SAMMSON: variants seen among roughly 807,000 people sequenced by gnomAD.
SAMMSON encodes long intergenic non-protein coding RNA 1212.
At chr3:70,110,046 A>G (rs932805725) in intron 4 of SAMMSON, among the ~76,000 whole-genome samples, 1 of 152,244 alleles carries the variant, frequency 6.6e-6, no homozygotes, top group Non-Finnish European at 1.5e-5. Context: ...TTGATACATT[A>G]GTGATCGTGA....
Position 70,099,486 on chromosome 3 carries a change from T to A in SAMMSON, n.507+27921T>A, listed in dbSNP as rs541136183. 2.1e-4 allele frequency among the ~76,000 whole-genome samples: 32 copies of A among 152,316 alleles called. 1 individual carries two copies. The South Asian group carries it at 6.6e-3, about 32-fold the overall frequency. On this transcript the variant is annotated intron_variant and non_coding_transcript_variant, in intron 4 of 9. Transcript: ENST00000642114. ...CTAAATATCTTCTAAAATGTTTCTA[T>A]GGTCATTTAGGGTTTGTGTTCTGGA... is the stretch of plus-strand genomic sequence containing the variant.
intron 4 of SAMMSON, among the ~76,000 whole-genome samples, chr3:70,088,263 G>C (rs2067292763): frequency 6.6e-6 from 1 of 152,180 alleles, no homozygotes; most frequent in Non-Finnish European, 1.5e-5. Context: ...GGTCTCTTGG[G>C]TTAGAATATA....
intron 9 of SAMMSON, among the ~76,000 whole-genome samples, chr3:70,370,151 T>C (rs1224554718): frequency 6.6e-6 from 1 of 151,986 alleles, no homozygotes; most frequent in African/African-American, 2.4e-5. Context: ...TGTCATTCTT[T>C]CTTATGGTCA....
intron 4 of SAMMSON, among the ~76,000 whole-genome samples, chr3:70,106,514 T>TG (rs1258771438): frequency 2.0e-5 from 3 of 151,954 alleles, no homozygotes; most frequent in African/African-American, 7.2e-5. Context: ...CTATTTTTTT[T>TG]TTTTTTCTAG....
At chr3:70,048,770 C>T (rs1365801582) in intron 3 of SAMMSON, among the ~76,000 whole-genome samples, 2 of 152,084 alleles carry the variant, frequency 1.3e-5, no homozygotes, top group African/African-American at 4.8e-5. Flanking sequence ...ATGCAGATCA[C>T]AGCCCTGTAG....
chr3:70,152,163 C>T (rs2067574402), intron 4 of SAMMSON, among the ~76,000 whole-genome samples: 1 of 151,560 alleles, frequency 6.6e-6, no homozygotes. Flanking sequence ...TATGTTTATC[C>T]TTAAAATTTT....
intron 4 of SAMMSON, among the ~76,000 whole-genome samples, chr3:70,149,330 A>G (rs558881531): frequency 6.6e-6 from 1 of 152,188 alleles, no homozygotes; most frequent in African/African-American, 2.4e-5. Context: ...GCCCTTTTCT[A>G]GTTTGCTAAT....
chr3:70,409,492 A>G (rs1003371020), intron 2 of SAMMSON, among the ~76,000 whole-genome samples: 5 of 151,978 alleles, frequency 3.3e-5, no homozygotes, highest in African/African-American at 1.2e-4. Context: ...TTAGAGAAAA[A>G]CTTTAAATGT....
At chr3:70,169,822 G>A (rs920277144) in intron 4 of SAMMSON, among the ~76,000 whole-genome samples, 1 of 151,782 alleles carries the variant, frequency 6.6e-6, no homozygotes, top group Non-Finnish European at 1.5e-5. Flanking sequence ...AGCACCGAGG[G>A]TCTGTTGTTA....
At chr3:70,254,710 A>G (rs1353439964) in intron 6 of SAMMSON, among the ~76,000 whole-genome samples, 1 of 152,174 alleles carries the variant, frequency 6.6e-6, no homozygotes, top group Non-Finnish European at 1.5e-5. Context: ...ATAAAATGAA[A>G]AGCAGAAGTT....
chr3:70,140,272 A>G (rs778957210), intron 4 of SAMMSON: 2 of 195,210 alleles, frequency 1.0e-5, no homozygotes, highest in Non-Finnish European at 2.2e-5. Flanking sequence ...CTCATGGAGG[A>G]GGAAGAGCAA....
At chr3:70,110,825 G>T (rs951213985) in intron 4 of SAMMSON, among the ~76,000 whole-genome samples, 2 of 152,090 alleles carry the variant, frequency 1.3e-5, no homozygotes, top group Non-Finnish European at 2.9e-5. Context: ...CTGAACGTAC[G>T]CCACCTACTT....
chr3:70,263,594 T>C (rs1701888030), intron 6 of SAMMSON, among the ~76,000 whole-genome samples: 1 of 152,176 alleles, frequency 6.6e-6, no homozygotes, highest in Non-Finnish European at 1.5e-5. Context: ...TTGTCATGCC[T>C]AGCCTCATAG....
chr3:70,059,666 C>G (rs904260094), intron 3 of SAMMSON, among the ~76,000 whole-genome samples: 22 of 152,056 alleles, frequency 1.4e-4, no homozygotes, highest in African/African-American at 4.8e-4. Context: ...CAGTCTGATT[C>G]AAATGCTAAT....
chr3:70,116,694 A>G (rs570450308), intron 4 of SAMMSON, among the ~76,000 whole-genome samples: 1 of 152,254 alleles, frequency 6.6e-6, no homozygotes, highest in African/African-American at 2.4e-5. Context: ...AAGTATATTA[A>G]AAAGTAGAAA....
rs529497275 is a variant in SAMMSON, at chr3:70,382,121, T to C, written n.914-7453T>C. 2.6e-5 allele frequency among the ~76,000 whole-genome samples: 4 copies of C among 152,268 alleles called. No homozygotes were observed. In the South Asian group the frequency reaches 8.3e-4, roughly 32 times the overall value. On this transcript the variant is annotated intron_variant and non_coding_transcript_variant, in intron 9 of 9. Transcript: ENST00000642114. Reference sequence around the variant, plus strand: ...TGGTACATGAAATACATATGGAAGATGTAGACAATCTTCATTCTCAGTAAT... The same window carrying C: ...TGGTACATGAAATACATATGGAAGACGTAGACAATCTTCATTCTCAGTAAT...
At chr3:70,124,012 G>T (rs908563834) in intron 4 of SAMMSON, among the ~76,000 whole-genome samples, 2 of 152,212 alleles carry the variant, frequency 1.3e-5, no homozygotes, top group African/African-American at 2.4e-5. Flanking sequence ...CGGATGCCCG[G>T]AAGACAGATT....
chr3:70,365,438 A>T (rs1371089454), intron 9 of SAMMSON, among the ~76,000 whole-genome samples: 1 of 151,768 alleles, frequency 6.6e-6, no homozygotes, highest in East Asian at 1.9e-4. Context: ...CTGTACCTAT[A>T]TTAGACTCAA....
chr3:70,121,333 C>G (rs1224067003), intron 4 of SAMMSON, among the ~76,000 whole-genome samples: 1 of 152,068 alleles, frequency 6.6e-6, no homozygotes, highest in Non-Finnish European at 1.5e-5. Context: ...TAGAATGCAG[C>G]CTTTCATCTC....
Sources: gnomAD v4.1 joint callset for allele counts (sites outside exome capture counted in the v4.1 genomes callset) on GRCh38, gnomAD v4.1.1 for gene constraint, MANE v1.5 for transcripts, NCBI Gene and HGNC (gene_info 2026-07-23, HGNC 2026-07-21) for gene names.